CLDN14: variants seen among roughly 807,000 people sequenced by gnomAD.
CLDN14 encodes the protein claudin-14.
A neutral mutation model predicts 2.1 loss-of-function variants in CLDN14; 2 were observed. The observed-to-expected ratio is 0.96, with a 90% CI of 0.39 to 3.01. The LOEUF is 3.01. Among genes scored for constraint, CLDN14 ranks in the 30% most tolerant of loss-of-function variants. CLDN14 has a pLI of 0.09. For synonymous variants in CLDN14, 136 were observed against 154.4 expected, an observed-to-expected ratio of 0.88 and a Z score of 0.88; for missense variants, 298 against 328.0, an observed-to-expected ratio of 0.91 and a Z score of 0.71.
intron 2 of CLDN14, among the ~76,000 whole-genome samples, chr21:36,491,273 A>G (rs938505701): frequency 1.4e-4 from 22 of 152,170 alleles, no homozygotes; most frequent in African/African-American, 5.3e-4. Context: ...TTTGTGCCCT[A>G]AAACAAGGCA....
At chr21:36,550,813 C>T (rs760585946) in intron 1 of CLDN14, among the ~76,000 whole-genome samples, 2 of 152,246 alleles carry the variant, frequency 1.3e-5, no homozygotes, top group Non-Finnish European at 2.9e-5. Flanking sequence ...GGGCACCAGC[C>T]ACGGTCCCTA....
chr21:36,557,847 C>A (rs1042351514), intron 1 of CLDN14, among the ~76,000 whole-genome samples: 1 of 152,094 alleles, frequency 6.6e-6, no homozygotes, highest in Non-Finnish European at 1.5e-5. Flanking sequence ...TTGTCATATC[C>A]AAAAAATCAT....
intron 1 of CLDN14, among the ~76,000 whole-genome samples, chr21:36,478,064 GA>G (rs981507637): frequency 1.3e-5 from 2 of 152,140 alleles, no homozygotes; most frequent in Non-Finnish European, 2.9e-5. Flanking sequence ...ATAGGCAACA[GA>G]ATGATTTTTT....
chr21:36,516,369 G>T (rs2087229013), intron 1 of CLDN14, among the ~76,000 whole-genome samples: 1 of 152,090 alleles, frequency 6.6e-6, no homozygotes, highest in African/African-American at 2.4e-5. Context: ...CTTCTTGCCT[G>T]ACTTTTGTTA....
At chr21:36,503,828 CA>C (rs2087108773) in intron 2 of CLDN14, among the ~76,000 whole-genome samples, 1 of 151,900 alleles carries the variant, frequency 6.6e-6, no homozygotes, top group Non-Finnish European at 1.5e-5. Flanking sequence ...GCAATGAATA[CA>C]ATACATACAG....
intron 1 of CLDN14, among the ~76,000 whole-genome samples, chr21:36,531,260 G>A (rs1194788542): frequency 6.6e-6 from 1 of 151,584 alleles, no homozygotes; most frequent in Non-Finnish European, 1.5e-5. Flanking sequence ...GAAATTTTAG[G>A]GAAATAAATA....
chr21:36,525,608 G>A lies in CLDN14; in HGVS notation c.-219-15108C>T, dbSNP rs555886294. On this transcript the variant is annotated intron_variant, in intron 1 of 2. Transcript: ENST00000342108. ...AGGAACTTTTGGAAACCTGGCAGAG[G>A]TGTGAATGGTGACTTCCAAGCTGGT... Among the ~76,000 whole-genome samples the A allele has an allele frequency of 2.6e-5, 4 of 152,272 alleles. No individual in the cohort carries two copies. The South Asian group carries it at 8.3e-4, about 32-fold the overall frequency.
At chr21:36,539,944 G>A (rs1568875001) in intron 1 of CLDN14, among the ~76,000 whole-genome samples, 1 of 151,750 alleles carries the variant, frequency 6.6e-6, no homozygotes, top group South Asian at 2.1e-4. Flanking sequence ...TGTGGAGTGA[G>A]TGTATGTGTA....
intron 2 of CLDN14, among the ~76,000 whole-genome samples, chr21:36,500,414 C>T (rs987851244): frequency 8.5e-5 from 13 of 152,190 alleles, no homozygotes; most frequent in African/African-American, 2.9e-4. Context: ...GAAAGAGATA[C>T]ATTCCATTCA....
chr21:36,528,363 G>A (rs943969200), intron 1 of CLDN14, among the ~76,000 whole-genome samples: 1 of 152,182 alleles, frequency 6.6e-6, no homozygotes, highest in Non-Finnish European at 1.5e-5. Flanking sequence ...AAGTGAGACA[G>A]TCCACGTCCT....
intron 1 of CLDN14, among the ~76,000 whole-genome samples, chr21:36,513,122 T>G (rs1365079407): frequency 2.0e-5 from 3 of 152,202 alleles, no homozygotes; most frequent in Admixed American, 2.0e-4. Flanking sequence ...CATAAAATCA[T>G]GGTGGTCCCA....
At chr21:36,532,393 T>A (rs1219832570) in intron 1 of CLDN14, 1 of 57,870 alleles carries the variant, frequency 1.7e-5, no homozygotes, top group Admixed American at 1.3e-4. Context: ...AATAAATAAA[T>A]GTTTAAAAAA....
intron 1 of CLDN14, among the ~76,000 whole-genome samples, chr21:36,557,059 C>T (rs1356873947): frequency 1.3e-5 from 2 of 152,200 alleles, no homozygotes; most frequent in Admixed American, 6.5e-5. Flanking sequence ...CTTTCTGTGA[C>T]TGGCTTACTT....
intron 1 of CLDN14, among the ~76,000 whole-genome samples, chr21:36,553,106 G>C (rs192850892): frequency 6.6e-6 from 1 of 152,304 alleles, no homozygotes; most frequent in African/African-American, 2.4e-5. Flanking sequence ...TTGGCTGGGC[G>C]TCACCAGCTC....
chr21:36,513,317 A>G (rs550150517), intron 1 of CLDN14, among the ~76,000 whole-genome samples: 3 of 152,336 alleles, frequency 2.0e-5, no homozygotes, highest in Non-Finnish European at 4.4e-5. Flanking sequence ...GGATGTGATG[A>G]CTGGCAATGC....
intron 1 of CLDN14, among the ~76,000 whole-genome samples, chr21:36,571,140 T>A (rs1407958812): frequency 6.6e-6 from 1 of 152,238 alleles, no homozygotes; most frequent in Non-Finnish European, 1.5e-5. Flanking sequence ...GTGCCCAGCC[T>A]GCATCTCCTT....
chr21:36,567,239 C>T (rs982692122), intron 1 of CLDN14, among the ~76,000 whole-genome samples: 11 of 152,202 alleles, frequency 7.2e-5, no homozygotes, highest in African/African-American at 2.7e-4. Flanking sequence ...AAGGCTCTTG[C>T]CTAGAAATTG....
intron 1 of CLDN14, among the ~76,000 whole-genome samples, chr21:36,553,610 C>T (rs967620022): frequency 1.1e-4 from 17 of 151,924 alleles, no homozygotes; most frequent in Non-Finnish European, 1.8e-4. Context: ...GGGTGGGATG[C>T]CCCACACTTC....
chr21:36,538,570 C>T (rs990779800), intron 1 of CLDN14, among the ~76,000 whole-genome samples: 3 of 152,022 alleles, frequency 2.0e-5, no homozygotes, highest in East Asian at 1.9e-4. Context: ...GCCGAGATCG[C>T]ACCACTGCAC....
Sources: gnomAD v4.1 joint callset for allele counts (sites outside exome capture counted in the v4.1 genomes callset) on GRCh38, gnomAD v4.1.1 for gene constraint, MANE v1.5 for transcripts, NCBI Gene and HGNC (gene_info 2026-07-23, HGNC 2026-07-21) for gene names.